DIS3L2: variants seen among roughly 807,000 people sequenced by gnomAD.
The protein encoded by DIS3L2 is DIS3-like exonuclease 2.
Under a neutral mutation model 97.5 loss-of-function variants are expected in DIS3L2, and 34 were observed. That is an observed-to-expected ratio of 0.35 (90% CI 0.27 to 0.46). The LOEUF (loss-of-function observed/expected upper bound fraction) is 0.46. DIS3L2 is among the 20% of genes least tolerant of loss of function. The pLI is 1.00. For missense variants in DIS3L2, 1,038 were observed against 1,146.0 expected, an observed-to-expected ratio of 0.91 and a Z score of 1.36; for synonymous variants, 435 against 445.2, an observed-to-expected ratio of 0.98 and a Z score of 0.29.
rs146313498 is a variant in DIS3L2 at position 232,172,205 on chromosome 2, G to A, written c.1124+8573G>A. 4.4e-4 allele frequency among the ~76,000 whole-genome samples: 67 copies of A among 152,156 alleles called. 1 individual carries two copies. The highest frequency in any genetic ancestry group is 1.4e-3 in the African/African-American group (59 of 41,504). On this transcript the variant is annotated intron_variant, in intron 9 of 20. Transcript: ENST00000325385. ...ATCATTTTAAATTCAGTGGTTTCTC[G>A]TATATTGGTAGATTTGTTGAACCAT...
intron 1 of DIS3L2, among the ~76,000 whole-genome samples, chr2:232,008,160 A>G (rs1355073909): frequency 1.3e-5 from 2 of 149,114 alleles, no homozygotes; most frequent in Admixed American, 1.3e-4. Context: ...CTACAGGTGT[A>G]TGCCACCATG....
intron 10 of DIS3L2, among the ~76,000 whole-genome samples, chr2:232,215,195 T>C (rs559786141): frequency 6.6e-6 from 1 of 152,206 alleles, no homozygotes; most frequent in South Asian, 2.1e-4. Context: ...GAGGTCTTTA[T>C]GGAATGCCCA....
At chr2:232,070,531 C>T (rs1321820780) in intron 5 of DIS3L2, among the ~76,000 whole-genome samples, 34 of 151,766 alleles carry the variant, frequency 2.2e-4, no homozygotes, top group Admixed American at 2.2e-3. Flanking sequence ...CTGCTTCTCA[C>T]TCTTCGTTAG....
At chr2:232,146,934 C>T (rs1377203254) in intron 8 of DIS3L2, among the ~76,000 whole-genome samples, 4 of 152,062 alleles carry the variant, frequency 2.6e-5, no homozygotes, top group Non-Finnish European at 5.9e-5. Flanking sequence ...ATAATTAACA[C>T]CATTTGTCCC....
At chr2:232,034,463 C>T (rs1383716898) in intron 5 of DIS3L2, among the ~76,000 whole-genome samples, 2 of 152,110 alleles carry the variant, frequency 1.3e-5, no homozygotes, top group African/African-American at 4.8e-5. Context: ...ATGTCTCTAT[C>T]TCCTTCAGTT....
chr2:232,137,251 ATC>A (rs1167179551), intron 8 of DIS3L2, among the ~76,000 whole-genome samples: 1 of 152,226 alleles, frequency 6.6e-6, no homozygotes, highest in Non-Finnish European at 1.5e-5. Context: ...TCAGAGATCA[ATC>A]TAACTTAAAT....
chr2:232,071,070 A>G (rs1405010398), intron 5 of DIS3L2, among the ~76,000 whole-genome samples: 1 of 152,144 alleles, frequency 6.6e-6, no homozygotes, highest in Admixed American at 6.5e-5. Context: ...GGGCTCCTTA[A>G]CGGGTGCTGA....
At chr2:232,327,241 T>G (rs1695603892) in intron 14 of DIS3L2, among the ~76,000 whole-genome samples, 1 of 152,222 alleles carries the variant, frequency 6.6e-6, no homozygotes, top group Non-Finnish European at 1.5e-5. Context: ...CTCCTTAGCC[T>G]GCAGCCTCAG....
chr2:232,229,696 T>G (rs1692740628), intron 10 of DIS3L2, among the ~76,000 whole-genome samples: 1 of 152,244 alleles, frequency 6.6e-6, no homozygotes, highest in African/African-American at 2.4e-5. Flanking sequence ...GCCTGAGAAT[T>G]ACATTGAACA....
intron 5 of DIS3L2, among the ~76,000 whole-genome samples, chr2:232,078,015 TTCTTTTTC>T (rs1559602477): frequency 7.8e-6 from 1 of 128,132 alleles, no homozygotes; most frequent in Non-Finnish European, 1.6e-5. Flanking sequence ...CTTTCTTTCT[TTCTTTTTC>T]TCTTTCTCTT....
intron 5 of DIS3L2, among the ~76,000 whole-genome samples, chr2:232,087,152 T>C (rs1275507020): frequency 2.6e-5 from 4 of 152,138 alleles, no homozygotes; most frequent in Non-Finnish European, 4.4e-5. Flanking sequence ...ATTGTTCCTA[T>C]ATGGTGAGGG....
At chr2:232,225,438 G>A (rs1001291458) in intron 10 of DIS3L2, among the ~76,000 whole-genome samples, 6 of 152,096 alleles carry the variant, frequency 3.9e-5, no homozygotes, top group African/African-American at 1.4e-4. Flanking sequence ...TATCAAAAAC[G>A]CTGTGTTGAG....
intron 9 of DIS3L2, among the ~76,000 whole-genome samples, chr2:232,190,270 G>A (rs1313356650): frequency 6.6e-6 from 1 of 152,070 alleles, no homozygotes; most frequent in Non-Finnish European, 1.5e-5. Flanking sequence ...GAAGGTCAAG[G>A]CTGCAGTGAG....
chr2:232,057,463 A>C (rs1413794649), intron 5 of DIS3L2, among the ~76,000 whole-genome samples: 2 of 152,178 alleles, frequency 1.3e-5, no homozygotes, highest in Admixed American at 6.5e-5. Flanking sequence ...TAACCGTAAG[A>C]GAGATTATCT....
intron 1 of DIS3L2, among the ~76,000 whole-genome samples, chr2:232,006,579 G>A (rs72987623): frequency 0.018 from 2,794 of 152,272 alleles, 31 homozygotes; most frequent in Non-Finnish European, 0.021. Context: ...AGTGCTTGCC[G>A]GTATTATTCA....
intron 14 of DIS3L2, among the ~76,000 whole-genome samples, chr2:232,309,600 C>A (rs1366971798): frequency 6.6e-6 from 1 of 151,862 alleles, no homozygotes; most frequent in Non-Finnish European, 1.5e-5. Flanking sequence ...CACCTCAGCA[C>A]CCCCACCAGC....
rs1574918462 is a variant in DIS3L2 at position 232,163,507 on chromosome 2, A to G, written c.999A>G (p.Thr333=). ...LGQAGEIEPE[T]EGILTEYGVD... ...AGGCTGGTGAAATTGAGCCTGAAAC[A>G]GAAGGAATACTAACAGAGTATGGCG... The change falls in exon 9 of 21, where the codon ACA becomes ACG. Residue 333 remains threonine (T), a synonymous_variant. Coordinates refer to ENST00000325385, the MANE Select transcript of DIS3L2 (RefSeq NM_152383.5). The G allele has an allele frequency of 4.3e-6, 7 of 1,614,188 alleles. No individual in the cohort carries two copies. The highest frequency in any genetic ancestry group is 1.7e-5 in the Admixed American group (1 of 60,022).
At chr2:232,186,417 G>A (rs1691434746) in intron 9 of DIS3L2, among the ~76,000 whole-genome samples, 2 of 152,222 alleles carry the variant, frequency 1.3e-5, no homozygotes, top group Non-Finnish European at 2.9e-5. Flanking sequence ...TAATTTAAAA[G>A]CTCACAGAAA....
intron 5 of DIS3L2, among the ~76,000 whole-genome samples, chr2:232,069,310 C>A (rs1321727585): frequency 1.3e-5 from 2 of 152,124 alleles, no homozygotes; most frequent in African/African-American, 4.8e-5. Context: ...GATTCTCTAT[C>A]AAAAATTGTT....
Sources: gnomAD v4.1 joint callset for allele counts (sites outside exome capture counted in the v4.1 genomes callset) on GRCh38, gnomAD v4.1.1 for gene constraint, MANE v1.5 for transcripts, NCBI Gene and HGNC (gene_info 2026-07-23, HGNC 2026-07-21) for gene names.